GPC6: variants seen among roughly 807,000 people sequenced by gnomAD.
GPC6 encodes the protein glypican 6, also known as glypican-6.
Under a neutral mutation model 55.2 loss-of-function variants are expected in GPC6, and 14 were observed. The observed-to-expected ratio is 0.25, with a 90% CI of 0.17 to 0.40. The LOEUF is 0.40. Among genes scored for constraint, GPC6 ranks in the 10% least tolerant of loss-of-function variants. The probability of loss-of-function intolerance (pLI) is 1.00; values close to 1 mark genes in which losing one functional copy is unlikely to be tolerated. For missense variants in GPC6, 641 were observed against 708.5 expected (o/e 0.90, Z 1.08); for synonymous variants, 278 against 259.6 (o/e 1.07, Z -0.68).
At chr13:93,379,867 C>A (rs1316724058) in intron 1 of GPC6, among the ~76,000 whole-genome samples, 3 of 150,494 alleles carry the variant, frequency 2.0e-5, no homozygotes, top group Admixed American at 6.6e-5. Flanking sequence ...AAGGTGCTAT[C>A]GTCTTTAAAA....
chr13:93,670,387 T>C (rs1379261827), intron 2 of GPC6, among the ~76,000 whole-genome samples: 1 of 152,214 alleles, frequency 6.6e-6, no homozygotes, highest in Non-Finnish European at 1.5e-5. Context: ...AAAACACTTT[T>C]AAATTATTTC....
intron 2 of GPC6, chr13:93,818,720 A>C (rs1232173016): frequency 2.6e-5 from 4 of 152,220 alleles, no homozygotes; most frequent in African/African-American, 9.7e-5. Context: ...AGTGTTCCTC[A>C]CATACTGTTG....
intron 6 of GPC6, among the ~76,000 whole-genome samples, chr13:94,363,618 C>G (rs551107775): frequency 1.3e-4 from 20 of 152,298 alleles, no homozygotes; most frequent in African/African-American, 4.6e-4. Context: ...ATGCTCAACC[C>G]CTCTCAGTAG....
intron 1 of GPC6, among the ~76,000 whole-genome samples, chr13:93,247,932 A>G (rs1876658367): frequency 6.6e-6 from 1 of 152,220 alleles, no homozygotes; most frequent in African/African-American, 2.4e-5. Context: ...AGTTAGGTGC[A>G]TCAGATATTC....
intron 1 of GPC6, among the ~76,000 whole-genome samples, chr13:93,510,082 T>C (rs1164138764): frequency 6.6e-6 from 1 of 152,194 alleles, no homozygotes; most frequent in Non-Finnish European, 1.5e-5. Flanking sequence ...ACATTATGTC[T>C]GTCTCTCTAA....
chr13:93,541,213 C>G (rs1882282902), intron 1 of GPC6, among the ~76,000 whole-genome samples: 1 of 135,276 alleles, frequency 7.4e-6, no homozygotes, highest in Non-Finnish European at 1.5e-5. Flanking sequence ...GTGTGATGTT[C>G]CCCTTCCTGT....
chr13:93,289,062 G>A (rs1314537858), intron 1 of GPC6, among the ~76,000 whole-genome samples: 1 of 152,188 alleles, frequency 6.6e-6, no homozygotes, highest in Non-Finnish European at 1.5e-5. Context: ...AGCAAGAGAA[G>A]AGACCAGGGT....
intron 2 of GPC6, among the ~76,000 whole-genome samples, chr13:93,749,543 T>G (rs1351057062): frequency 6.6e-6 from 1 of 152,098 alleles, no homozygotes; most frequent in Admixed American, 6.6e-5. Flanking sequence ...CTCAATTTAT[T>G]TTCAAACAGA....
chr13:93,326,703 A>T (rs1879669620), intron 1 of GPC6, among the ~76,000 whole-genome samples: 1 of 152,228 alleles, frequency 6.6e-6, no homozygotes, highest in South Asian at 2.1e-4. Context: ...TATTGAACTC[A>T]TATTTACAGA....
intron 4 of GPC6, among the ~76,000 whole-genome samples, chr13:94,120,063 A>G (rs74105730): frequency 0.013 from 1,919 of 152,268 alleles, 42 homozygotes; most frequent in South Asian, 0.066. Context: ...TATAATGTAT[A>G]TAATTATATG....
rs1875863237 is a variant in GPC6, at chr13:93,227,952, C to T, written c.160+336C>T. On this transcript the variant is annotated intron_variant, in intron 1 of 8. Coordinates refer to ENST00000377047, the MANE Select transcript of GPC6 (RefSeq NM_005708.5). This position sits in a 1 kb window ranked among gnomAD's most constrained non-coding sequence, Gnocchi z 4.3. ...CTCCGGGGCGGCTGCAAGGCGCAGACGGAGAGCCGAGCCGGGCGCTCACTC... is the reference window on the plus strand; with the variant it reads ...CTCCGGGGCGGCTGCAAGGCGCAGATGGAGAGCCGAGCCGGGCGCTCACTC... Among the ~76,000 whole-genome samples, 1 of 152,146 alleles carries T rather than the reference C, an allele frequency of 6.6e-6. No homozygotes were observed. The highest frequency in any genetic ancestry group is 1.5e-5 in the Non-Finnish European group (1 of 68,018).
chr13:93,745,085 T>G (rs1759455286), intron 2 of GPC6, among the ~76,000 whole-genome samples: 1 of 152,088 alleles, frequency 6.6e-6, no homozygotes, highest in African/African-American at 2.4e-5. Context: ...GGCTCACAGG[T>G]GAGTCCTCCA....
chr13:94,394,632 G>T (rs1880816616), intron 7 of GPC6, among the ~76,000 whole-genome samples: 1 of 152,094 alleles, frequency 6.6e-6, no homozygotes, highest in South Asian at 2.1e-4. Flanking sequence ...CCTTTCCGGG[G>T]GTCGCACAAT....
At chr13:93,663,972 C>T (rs1454733929) in intron 2 of GPC6, among the ~76,000 whole-genome samples, 3 of 152,120 alleles carry the variant, frequency 2.0e-5, no homozygotes, top group South Asian at 2.1e-4. Flanking sequence ...GGATTTTGGT[C>T]TTTTTCCAGA....
chr13:93,602,284 CA>C (rs1317466223), intron 2 of GPC6, among the ~76,000 whole-genome samples: 2 of 152,132 alleles, frequency 1.3e-5, no homozygotes, highest in African/African-American at 2.4e-5. Context: ...TACATTTTCA[CA>C]ACCAATACAA....
intron 2 of GPC6, among the ~76,000 whole-genome samples, chr13:93,805,688 T>C (rs928195964): frequency 6.6e-6 from 1 of 152,302 alleles, no homozygotes; most frequent in Admixed American, 6.5e-5. Context: ...TGTTTGCGTA[T>C]TCTAAAAAGA....
At chr13:94,166,981 A>G (rs1888389397) in intron 4 of GPC6, among the ~76,000 whole-genome samples, 1 of 152,226 alleles carries the variant, frequency 6.6e-6, no homozygotes, top group Non-Finnish European at 1.5e-5. Flanking sequence ...TAATAGAATA[A>G]TAAATTAAAT....
At chr13:93,349,979 A>G (rs1880573353) in intron 1 of GPC6, among the ~76,000 whole-genome samples, 1 of 152,182 alleles carries the variant, frequency 6.6e-6, no homozygotes, top group Admixed American at 6.5e-5. Flanking sequence ...TTGAAATTGT[A>G]TGTGTTATTG....
intron 5 of GPC6, among the ~76,000 whole-genome samples, chr13:94,288,126 A>T (rs1266747326): frequency 1.3e-5 from 2 of 152,118 alleles, no homozygotes; most frequent in Non-Finnish European, 2.9e-5. Flanking sequence ...TTACTTTCTA[A>T]AAGGAGAGAC....
Sources: gnomAD v4.1 joint callset for allele counts (sites outside exome capture counted in the v4.1 genomes callset) on GRCh38, gnomAD v4.1.1 for gene constraint, Gnocchi (gnomAD v3.1) non-coding constraint, MANE v1.5 for transcripts, NCBI Gene and HGNC (gene_info 2026-07-23, HGNC 2026-07-21) for gene names.